Variants in PDE3B observed in about 807,000 individuals in gnomAD.
PDE3B encodes cGMP-inhibited 3',5'-cyclic phosphodiesterase 3B.
PDE3B carries 66 observed loss-of-function variants against 116.8 expected under a neutral mutation model. That is an observed-to-expected ratio of 0.56 (90% CI 0.46 to 0.69). PDE3B has a LOEUF of 0.69. Among genes scored for constraint, PDE3B ranks in the 30% least tolerant of loss-of-function variants. The pLI is 0.00. For synonymous variants in PDE3B, 595 were observed against 533.6 expected, an observed-to-expected ratio of 1.12 and a Z score of -1.59; for missense variants, 1,384 against 1,368.1, an observed-to-expected ratio of 1.01 and a Z score of -0.18.
At chr11:14,754,999 GAGA>G (rs1169605530) in intron 1 of PDE3B, among the ~76,000 whole-genome samples, 3 of 152,126 alleles carry the variant, frequency 2.0e-5, no homozygotes, top group African/African-American at 7.2e-5. Flanking sequence ...TTTTCTGAAT[GAGA>G]AGAACCACCC....
intron 7 of PDE3B, among the ~76,000 whole-genome samples, chr11:14,829,677 C>T (rs1859809089): frequency 2.0e-5 from 3 of 151,934 alleles, no homozygotes; most frequent in African/African-American, 7.3e-5. Flanking sequence ...ACAACAGATA[C>T]TGGGGCCTAC....
intron 1 of PDE3B, among the ~76,000 whole-genome samples, chr11:14,710,127 C>G (rs1254742595): frequency 6.6e-6 from 1 of 152,160 alleles, no homozygotes; most frequent in Non-Finnish European, 1.5e-5. Flanking sequence ...TTTGGATTCT[C>G]TGAAGCTTAC....
intron 1 of PDE3B, among the ~76,000 whole-genome samples, chr11:14,766,416 A>C (rs1857499367): frequency 6.6e-6 from 1 of 151,730 alleles, no homozygotes; most frequent in African/African-American, 2.4e-5. Flanking sequence ...TCACTTGCTA[A>C]GTTGATGGAC....
chr11:14,801,156 A>C (rs1452879674), intron 4 of PDE3B, among the ~76,000 whole-genome samples: 1 of 152,122 alleles, frequency 6.6e-6, no homozygotes, highest in African/African-American at 2.4e-5. Context: ...TACTTCTGTC[A>C]GTTCATCAAA....
At chr11:14,794,852 A>C (rs531656692) in intron 4 of PDE3B, among the ~76,000 whole-genome samples, 1 of 152,166 alleles carries the variant, frequency 6.6e-6, no homozygotes, top group East Asian at 1.9e-4. Flanking sequence ...GGCTTATTAC[A>C]AATAATATTT....
intron 1 of PDE3B, among the ~76,000 whole-genome samples, chr11:14,769,282 G>T (rs1857573565): frequency 6.6e-6 from 1 of 151,274 alleles, no homozygotes; most frequent in South Asian, 2.1e-4. Context: ...CTGCAATATT[G>T]TAAAAATATA....
At chr11:14,666,773 G>T (rs1487239515) in intron 1 of PDE3B, among the ~76,000 whole-genome samples, 1 of 152,172 alleles carries the variant, frequency 6.6e-6, no homozygotes, top group Non-Finnish European at 1.5e-5. Flanking sequence ...TCATTAAAAA[G>T]TCAGGAAACC....
At chr11:14,772,201 AAAC>A (rs887951384) in intron 2 of PDE3B, 57 of 263,044 alleles carry the variant, frequency 2.2e-4, no homozygotes, top group African/African-American at 1.2e-3. Flanking sequence ...AAAATGATAA[AAAC>A]AAAATTTATA....
chr11:14,812,076 G>C (rs1019946906), intron 5 of PDE3B, among the ~76,000 whole-genome samples: 1 of 152,126 alleles, frequency 6.6e-6, no homozygotes, highest in African/African-American at 2.4e-5. Context: ...AACTAAGACA[G>C]TGGTCCCTTG....
chr11:14,690,151 C>T (rs1454826881), intron 1 of PDE3B, among the ~76,000 whole-genome samples: 1 of 152,120 alleles, frequency 6.6e-6, no homozygotes, highest in Admixed American at 6.5e-5. Context: ...TCCTATAATG[C>T]ATCACATTAG....
chr11:14,840,632 G>A (rs1248675837), intron 11 of PDE3B, among the ~76,000 whole-genome samples: 1 of 152,122 alleles, frequency 6.6e-6, no homozygotes, highest in Non-Finnish European at 1.5e-5. Flanking sequence ...AAATAGTTCT[G>A]CCCAATATGC....
At chr11:14,819,715 G>A (rs565309774) in intron 7 of PDE3B, among the ~76,000 whole-genome samples, 1 of 152,078 alleles carries the variant, frequency 6.6e-6, no homozygotes, top group South Asian at 2.1e-4. Context: ...TTCCCCTGAG[G>A]GCAGCTAGAA....
At chr11:14,657,450 A>G (rs1459537976) in intron 1 of PDE3B, among the ~76,000 whole-genome samples, 3 of 152,236 alleles carry the variant, frequency 2.0e-5, no homozygotes, top group Non-Finnish European at 4.4e-5. Flanking sequence ...AAGAGCTTCT[A>G]CCAGTTAGAT....
rs1321854841 is a variant in PDE3B, at chr11:14,754,927, ATC to A, written c.979-17006_979-17005del. Among the ~76,000 whole-genome samples, 3 of 152,102 alleles carry A rather than the reference ATC, an allele frequency of 2.0e-5. No homozygotes were observed. In the East Asian group the frequency reaches 5.8e-4, roughly 29 times the overall value. ...GAAGTTGCACAGTCTTGGAAGGACA[ATC>A]TCTGTAATATTTCTCCCATTATCTG... On this transcript the variant is annotated intron_variant, in intron 1 of 15. Coordinates refer to ENST00000282096, the MANE Select transcript of PDE3B (RefSeq NM_000922.4).
intron 4 of PDE3B, among the ~76,000 whole-genome samples, chr11:14,801,216 T>C (rs775129182): frequency 3.9e-5 from 6 of 152,164 alleles, no homozygotes; most frequent in Non-Finnish European, 8.8e-5. Context: ...GTTGTGATTA[T>C]TTGGAGAAGA....
the PDE3B span, among the ~76,000 whole-genome samples, chr11:14,888,238 C>A: frequency 2.6e-5 from 4 of 152,146 alleles, no homozygotes; most frequent in Non-Finnish European, 4.4e-5. Context: ...CTGTCTTCCC[C>A]CAACTAGAAT....
chr11:14,732,741 C>A (rs576187439), intron 1 of PDE3B, among the ~76,000 whole-genome samples: 2 of 152,138 alleles, frequency 1.3e-5, no homozygotes, highest in Admixed American at 6.5e-5. Flanking sequence ...GCAGAACCCA[C>A]GTATACAAGT....
intron 7 of PDE3B, among the ~76,000 whole-genome samples, chr11:14,827,006 TG>T (rs1240394830): frequency 6.6e-6 from 1 of 152,246 alleles, no homozygotes; most frequent in African/African-American, 2.4e-5. Flanking sequence ...GTTGCAAGTT[TG>T]GTTCAACATA....
chr11:14,695,465 C>T (rs895191267), intron 1 of PDE3B, among the ~76,000 whole-genome samples: 1 of 151,918 alleles, frequency 6.6e-6, no homozygotes, highest in Non-Finnish European at 1.5e-5. Flanking sequence ...TGGCTATATA[C>T]AAGGAGTGGG....
Sources: allele counts gnomAD v4.1 joint callset (sites outside exome capture counted in the v4.1 genomes callset), GRCh38; gene constraint gnomAD v4.1.1; transcripts MANE v1.5; gene names NCBI Gene and HGNC (gene_info 2026-07-23, HGNC 2026-07-21).